COL5A3: variants seen among roughly 807,000 people sequenced by gnomAD.
COL5A3 encodes collagen alpha-3(V) chain.
A neutral mutation model predicts 250.0 loss-of-function variants in COL5A3; 172 were observed. The ratio of observed to expected loss-of-function variants is 0.69; its 90% confidence interval spans 0.61 to 0.78. The LOEUF (loss-of-function observed/expected upper bound fraction) is 0.78. Among genes scored for constraint, COL5A3 ranks in the 30% least tolerant of loss-of-function variants. The pLI is 0.00. For synonymous variants in COL5A3, 937 were observed against 900.4 expected, an observed-to-expected ratio of 1.04 and a Z score of -0.73; for missense variants, 2,340 against 2,334.4, an observed-to-expected ratio of 1.00 and a Z score of -0.05.
chr19:9,973,415 C>A (rs1417204493), intron 50 of COL5A3, among the ~76,000 whole-genome samples, 155 bp downstream of exon 50: 1 of 152,184 alleles, frequency 6.6e-6, no homozygotes, highest in Non-Finnish European at 1.5e-5. Context: ...TATCTGAGAA[C>A]TTCCAGGTGT....
rs957703202 is a variant in COL5A3, at chr19:9,968,145, C to T, written c.4315-66G>A. On this transcript the variant is annotated intron_variant, in intron 59 of 66. Coordinates refer to ENST00000264828, the MANE Select transcript of COL5A3 (RefSeq NM_015719.4). This position sits in a 1 kb window ranked among gnomAD's most constrained non-coding sequence, Gnocchi z 4.1. Reference sequence around the variant, plus strand: ...CTATTGCCCTGACACATCCCCCAGACAAGCCTTCAATCCTACCAAAGGAAG... The same window carrying T: ...CTATTGCCCTGACACATCCCCCAGATAAGCCTTCAATCCTACCAAAGGAAG... The T allele has an allele frequency of 2.1e-5, 31 of 1,451,070 alleles. No individual in the cohort carries two copies. Among genetic ancestry groups the T allele is most frequent in the Middle Eastern group, 1.9e-4 (1 of 5,346 alleles). The allele number at this position is 1,451,070 out of a possible 1,614,324, so 89.9% of individuals were successfully genotyped here. A position where few individuals can be genotyped will look rare whatever the true frequency, so the allele number is the denominator to read the frequency against.
intron 65 of COL5A3, 72 bp downstream of exon 65, chr19:9,962,747 C>G: frequency 8.1e-7 from 1 of 1,235,964 alleles, no homozygotes; most frequent in Non-Finnish European, 1.2e-6. Context: ...CTCTCAGAAC[C>G]CACCCCTCAA....
At chr19:9,974,630 T>G (rs542950709) in intron 45 of COL5A3, among the ~76,000 whole-genome samples, 9 of 152,044 alleles carry the variant, frequency 5.9e-5, no homozygotes, top group Non-Finnish European at 1.2e-4. Context: ...GGATTTGCAG[T>G]TGAGGTTCAG....
chr19:9,979,052 C>T (rs1407743848), intron 39 of COL5A3, 72 bp from the exon 40 acceptor site: 4 of 1,468,390 alleles, frequency 2.7e-6, no homozygotes, highest in Admixed American at 2.4e-5. Context: ...GACTCAGGGC[C>T]CCCTCCCCCA....
At chr19:9,970,338 GTGAGTGTGTTCTGTGGC>G (rs1366561002) in intron 54 of COL5A3, among the ~76,000 whole-genome samples, 2 of 127,748 alleles carry the variant, frequency 1.6e-5, no homozygotes, top group African/African-American at 6.0e-5. Context: ...GGGTCTGTGG[GTGAGTGTGTTCTGTGGC>G]TGAGTGGGGT....
rs550244699 is a variant in COL5A3, at chr19:9,961,692, G to A, written c.4852-802C>T. 7.2e-5 allele frequency among the ~76,000 whole-genome samples: 11 copies of A among 151,778 alleles called. 1 individual carries two copies. The highest frequency in any genetic ancestry group is 3.3e-4 in the Admixed American group (5 of 15,188). On this transcript the variant is annotated intron_variant, in intron 65 of 66. Coordinates refer to ENST00000264828, the MANE Select transcript of COL5A3 (RefSeq NM_015719.4). ...TCCTGCCTCAGCCTCCCAAGTAACT[G>A]GGACTACGGGCGCCTGCCACCACGC...
chr19:9,986,206 G>T, intron 30 of COL5A3, 109 bp downstream of exon 30: 1 of 747,824 alleles, frequency 1.3e-6, no homozygotes, highest in Non-Finnish European at 2.2e-6. Flanking sequence ...AGATGACAAG[G>T]TTGGTAGCAA....
At position 9,989,019 on chromosome 19, in the gene COL5A3, C is replaced by G. The variant is rs2087148216; in HGVS notation, c.2145+105G>C. ...CCAGTCCCACTACATTTGGCCTGGCCAACTGATTCCCCTCTCCACACATCC... is the reference window on the plus strand; with the variant it reads ...CCAGTCCCACTACATTTGGCCTGGCGAACTGATTCCCCTCTCCACACATCC... On this transcript the variant is annotated intron_variant, in intron 27 of 66. Coordinates refer to ENST00000264828, the MANE Select transcript of COL5A3 (RefSeq NM_015719.4). The G allele has an allele frequency of 6.5e-6, 8 of 1,230,786 alleles. No homozygotes were observed. In the Admixed American group the frequency reaches 1.4e-4, roughly 21 times the overall value. The allele number at this position is 1,230,786 out of a possible 1,614,324, so 76.2% of individuals were successfully genotyped here.
At chr19:9,970,443 G>T (rs2086824933) in intron 54 of COL5A3, among the ~76,000 whole-genome samples, 179 bp downstream of exon 54, 1 of 91,774 alleles carries the variant, frequency 1.1e-5, no homozygotes, top group African/African-American at 4.1e-5. Context: ...GGGGTCTGTG[G>T]GTGAGTGGGG....
chr19:9,989,470 A>G lies in COL5A3; in HGVS notation c.2045T>C (p.Leu682Pro), dbSNP rs775174840. ...IPGLPGSDGP[L>P]GHPGHEGPTG... ...CTTTTCCCAGCTCATGGTTCTCACC[A>G]GAGGGCCATCGGATCCTGGGAGGCC... Residue 682 changes from leucine to proline, a missense_variant and splice_region_variant, in exon 25 of 67, where the codon CTG becomes CCG. By Grantham distance (98) the Leu-to-Pro change is moderately conservative. Coordinates refer to ENST00000264828, the MANE Select transcript of COL5A3 (RefSeq NM_015719.4). 41 of 1,613,572 alleles carry G rather than the reference A, an allele frequency of 2.5e-5. No homozygotes were observed. Among genetic ancestry groups the G allele is most frequent in the Non-Finnish European group, 3.3e-5 (39 of 1,179,668 alleles).
intron 37 of COL5A3, 100 bp from the exon 38 acceptor site, chr19:9,979,517 C>A: frequency 1.6e-6 from 2 of 1,268,502 alleles, no homozygotes; most frequent in Non-Finnish European, 2.2e-6. Flanking sequence ...CTGGCCGGTC[C>A]GGTGGCTCAC....
At chr19:9,983,592 GAA>G (rs879530277) in intron 31 of COL5A3, among the ~76,000 whole-genome samples, 7,674 of 68,850 alleles carry the variant, frequency 0.11, 687 homozygotes, top group African/African-American at 0.16. Flanking sequence ...AAGAAAGAAA[GAA>G]AGAAAGAGAA....
chr19:9,966,637 A>T lies in COL5A3; in HGVS notation c.4568T>A (p.Leu1523Gln). Residue 1523 changes from leucine to glutamine, a missense_variant, in exon 63 of 67, where the codon CTG (leucine) becomes CAG (glutamine). This residue lies in a region of COL5A3 where 1,179 missense variants were observed against 1,162.6 expected (regional missense o/e 1.01). Coordinates refer to ENST00000264828, the MANE Select transcript of COL5A3 (RefSeq NM_015719.4). Reference protein sequence around the residue: ...LEEVLASLTSLSLELEQLRRP... With the variant: ...LEEVLASLTSQSLELEQLRRP... The stretch of plus-strand genomic sequence containing the variant: ...CCGCAGCTGCTCCAGCTCCAAGCTC[A>T]GCGATGTGAGCGAGGCCAGCACCTC... 1 of 1,538,246 alleles carries T rather than the reference A, an allele frequency of 6.5e-7. No individual in the cohort carries two copies. The highest frequency in any genetic ancestry group is 8.7e-7 in the Non-Finnish European group (1 of 1,147,000).
chr19:9,983,346 T>C (rs572141029), intron 31 of COL5A3, among the ~76,000 whole-genome samples: 1 of 151,560 alleles, frequency 6.6e-6, no homozygotes, highest in East Asian at 2.0e-4. Context: ...TGTAAAAAAT[T>C]TAAAAATTCA....
At position 9,989,481 on chromosome 19, in the gene COL5A3, G is replaced by A. The variant is rs1290860871; in HGVS notation, c.2034C>T (p.Ser678=). 9 of 1,613,150 alleles carry A rather than the reference G, an allele frequency of 5.6e-6. No homozygotes were observed. The African/African-American group carries it at 6.7e-5, about 12-fold the overall frequency. Residue 678 remains serine, a synonymous_variant, in exon 25 of 67, where the codon TCC becomes TCT. Coordinates refer to ENST00000264828, the MANE Select transcript of COL5A3 (RefSeq NM_015719.4). ...TCATGGTTCTCACCAGAGGGCCATC[G>A]GATCCTGGGAGGCCTGGAATTCCTG... ...GNPGIPGLPG[S]DGPLGHPGHE...
At chr19:10,008,424 C>T (rs2087473400) in intron 1 of COL5A3, among the ~76,000 whole-genome samples, 1 of 125,878 alleles carries the variant, frequency 7.9e-6, no homozygotes, top group Admixed American at 8.2e-5. Context: ...GCATTGAGTC[C>T]TGCCTACAGG....
intron 11 of COL5A3, 86 bp from the exon 12 acceptor site, chr19:9,996,775 C>G: frequency 1.0e-6 from 1 of 985,002 alleles, no homozygotes; most frequent in East Asian, 2.7e-5. Flanking sequence ...AAGGATGAGT[C>G]AGAAAGAGAG....
chr19:9,982,089 T>A lies in COL5A3; in HGVS notation c.2436A>T (p.Gly812=), dbSNP rs138236471. ...KGSIGFPGPL[G]PIGEKGKSGK... is the part of the protein sequence containing the mutation. ...CCGACTTCCCTTTCTCTCCTATGGG[T>A]CCCAGGGGACCGGGAAATCCAATAG... The change falls in exon 32 of 67, where the codon GGA becomes GGT. Residue 812 remains glycine, a synonymous_variant. Coordinates refer to ENST00000264828, the MANE Select transcript of COL5A3 (RefSeq NM_015719.4). The A allele has an allele frequency of 1.4e-4, 232 of 1,608,492 alleles. No individual in the cohort carries two copies. The highest frequency in any genetic ancestry group is 1.0e-3 in the Middle Eastern group (6 of 5,892).
In COL5A3 at chr19:10,003,617, T is replaced by A. The variant is rs774992567; in HGVS notation, c.797A>T (p.Lys266Met). Residue 266 changes from lysine to methionine, a missense_variant, in exon 6 of 67, where the codon AAG becomes ATG. Physicochemically the swap from Lys to Met is moderately conservative, Grantham distance 95. Coordinates refer to ENST00000264828, the MANE Select transcript of COL5A3 (RefSeq NM_015719.4). ...ACTTGAGGTCCAAATTTCCTTGTTC[T>A]TTTTCCTGCCCTTCCCCTTGCGACC... ...GRGRKGKGRK[K>M]NKEIWTSSPP... is the part of the protein sequence containing the mutation. The A allele has an allele frequency of 6.2e-7, 1 of 1,614,062 alleles. No individual in the cohort carries two copies. Among genetic ancestry groups the A allele is most frequent in the Non-Finnish European group, 8.5e-7 (1 of 1,180,034 alleles).
Sources: gnomAD v4.1 joint callset for allele counts (sites outside exome capture counted in the v4.1 genomes callset) on GRCh38, gnomAD v4.1.1 for gene constraint, gnomAD v4.1.1 regional missense constraint, Gnocchi (gnomAD v3.1) non-coding constraint, MANE v1.5 for transcripts, NCBI Gene and HGNC (gene_info 2026-07-23, HGNC 2026-07-21) for gene names.